Variants in SEPTIN2 observed in about 807,000 individuals in gnomAD.
SEPTIN2 encodes septin-2.
SEPTIN2 carries 34 observed loss-of-function variants against 46.5 expected under a neutral mutation model. The ratio of observed to expected loss-of-function variants is 0.73; its 90% CI spans 0.56 to 0.97. The LOEUF (loss-of-function observed/expected upper bound fraction) is 0.97. Ranked by LOEUF, SEPTIN2 falls within the 50% of genes least tolerant of loss-of-function variation. SEPTIN2 has a pLI of 0.00. For synonymous variants in SEPTIN2, 175 were observed against 153.4 expected, an observed-to-expected ratio of 1.14 and a Z score of -1.04; for missense variants, 347 against 448.4, an observed-to-expected ratio of 0.77 and a Z score of 2.04.
Position 241,337,418 on chromosome 2 carries a change from T to C in SEPTIN2, c.378T>C (p.Phe126=), listed in dbSNP as rs753735268. The change falls in exon 6 of 13, where the codon TTT becomes TTC. Residue 126 remains phenylalanine (F), a synonymous_variant. Coordinates refer to ENST00000391971, the MANE Select transcript of SEPTIN2 (RefSeq NM_004404.5). ...TTATCTCCTATATTGATGAGCAATT[T>C]GAGAGGTACCTGCATGACGAGAGCG... ...KTIISYIDEQ[F]ERYLHDESGL... is the part of the protein sequence containing the mutation. 6.2e-7 allele frequency: 1 copy of C among 1,614,050 alleles called. No homozygotes were observed. Among genetic ancestry groups the C allele is most frequent in the Non-Finnish European group, 8.5e-7 (1 of 1,179,940 alleles).
intron 12 of SEPTIN2, 168 bp from the exon 13 acceptor site, chr2:241,351,799 A>G (rs1335141455): frequency 1.3e-5 from 2 of 152,190 alleles, no homozygotes; most frequent in African/African-American, 4.8e-5. Context: ...TCCAGTTTCC[A>G]GGAGCCTCAT....
At chr2:241,343,682 G>A in intron 8 of SEPTIN2, 70 bp from the exon 9 acceptor site, 4 of 1,569,576 alleles carry the variant, frequency 2.5e-6, no homozygotes, top group South Asian at 2.3e-5. Context: ...CTGTGCTAAT[G>A]TTCTCGTGTT....
intron 3 of SEPTIN2, among the ~76,000 whole-genome samples, chr2:241,334,060 T>TG (rs2079490973): frequency 1.3e-5 from 2 of 152,216 alleles, no homozygotes; most frequent in South Asian, 2.1e-4. Context: ...TTTTGGGAGA[T>TG]GGGGGTCTCA....
chr2:241,328,272 T>C (rs1283640273), intron 3 of SEPTIN2, among the ~76,000 whole-genome samples: 1 of 151,694 alleles, frequency 6.6e-6, no homozygotes, highest in Admixed American at 6.6e-5. Flanking sequence ...CCATCTCTAC[T>C]AAAAATACAA....
At chr2:241,324,102 G>A in intron 1 of SEPTIN2, 114 bp from the exon 2 acceptor site, 1 of 905,146 alleles carries the variant, frequency 1.1e-6, no homozygotes, top group South Asian at 1.5e-5. Context: ...TTTTTACATT[G>A]CCTATGTATG....
chr2:241,347,342 A>C (rs1399345897), intron 10 of SEPTIN2, among the ~76,000 whole-genome samples: 1 of 152,216 alleles, frequency 6.6e-6, no homozygotes, highest in Non-Finnish European at 1.5e-5. Context: ...ATTGAAGTCT[A>C]ATTATGAGTT....
At chr2:241,339,835 C>G (rs1485952003) in intron 7 of SEPTIN2, among the ~76,000 whole-genome samples, 1 of 152,124 alleles carries the variant, frequency 6.6e-6, no homozygotes, top group Non-Finnish European at 1.5e-5. Flanking sequence ...GGTAGCACTC[C>G]CCCCACACTG....
chr2:241,335,839 T>C, intron 4 of SEPTIN2, 136 bp from the exon 5 acceptor site: 2 of 1,100,310 alleles, frequency 1.8e-6, no homozygotes, highest in South Asian at 1.4e-5. Context: ...GATCTTTTTT[T>C]CTTAATCCCC....
chr2:241,343,716 G>A (rs752167507), intron 8 of SEPTIN2, 36 bp from the exon 9 acceptor site: 1 of 1,612,702 alleles, frequency 6.2e-7, no homozygotes, highest in Non-Finnish European at 8.5e-7. Flanking sequence ...GGGGTTCCCT[G>A]TGTGGAGCCT....
intron 1 of SEPTIN2, among the ~76,000 whole-genome samples, chr2:241,322,132 G>T (rs1201605556): frequency 6.6e-6 from 1 of 152,170 alleles, no homozygotes; most frequent in African/African-American, 2.4e-5. Flanking sequence ...TATTCAGGAA[G>T]TTAAGATTTG....
chr2:241,339,068 A>G (rs1452863195), intron 7 of SEPTIN2, among the ~76,000 whole-genome samples: 68 of 133,462 alleles, frequency 5.1e-4, no homozygotes, highest in Non-Finnish European at 1.0e-3. Context: ...TTATATATAT[A>G]TAAATATAAT....
intron 2 of SEPTIN2, chr2:241,325,205 T>C (rs1484888584): frequency 6.6e-6 from 1 of 152,242 alleles, no homozygotes; most frequent in African/African-American, 2.4e-5. Flanking sequence ...TACTATTTTG[T>C]ATCTTGCCTT....
chr2:241,332,348 A>G (rs539841061), intron 3 of SEPTIN2, among the ~76,000 whole-genome samples: 2 of 152,222 alleles, frequency 1.3e-5, no homozygotes, highest in African/African-American at 4.8e-5. Context: ...CCCACTTACA[A>G]AGAGGGGGCA....
intron 1 of SEPTIN2, among the ~76,000 whole-genome samples, chr2:241,321,856 C>T (rs2077181407): frequency 6.6e-6 from 1 of 151,904 alleles, no homozygotes; most frequent in Non-Finnish European, 1.5e-5. Context: ...ATACTTATCT[C>T]TGTATTATTT....
Position 241,349,548 on chromosome 2 carries a change from C to A in SEPTIN2, c.985-525C>A, listed in dbSNP as rs2060594960. Among the ~76,000 whole-genome samples, 3 of 152,032 alleles carry A rather than the reference C, an allele frequency of 2.0e-5. No homozygotes were observed. In the South Asian group the frequency reaches 6.2e-4, roughly 32 times the overall value. ...TAGAAAACTTCTCATATTGGCCGGG[C>A]GCGGTGGCTCACGCTTGTAATCCCA... is the stretch of plus-strand genomic sequence containing the variant. On this transcript the variant is annotated intron_variant, in intron 11 of 12. Coordinates refer to ENST00000391971, the MANE Select transcript of SEPTIN2 (RefSeq NM_004404.5).
At chr2:241,338,968 A>T (rs1211335104) in intron 7 of SEPTIN2, among the ~76,000 whole-genome samples, 7 of 84,780 alleles carry the variant, frequency 8.3e-5, no homozygotes, top group East Asian at 6.0e-4. Context: ...ATATATTATA[A>T]ATATAATATA....
intron 3 of SEPTIN2, among the ~76,000 whole-genome samples, chr2:241,330,241 G>A (rs2078775438): frequency 6.6e-6 from 1 of 152,176 alleles, no homozygotes; most frequent in African/African-American, 2.4e-5. Context: ...ACAGCATGAT[G>A]AATAAACACC....
chr2:241,338,925 A>T (rs1298090865), intron 7 of SEPTIN2, among the ~76,000 whole-genome samples: 2 of 99,904 alleles, frequency 2.0e-5, no homozygotes, highest in Non-Finnish European at 3.6e-5. Context: ...ATATAATTGT[A>T]CATATATTTA....
intron 7 of SEPTIN2, among the ~76,000 whole-genome samples, chr2:241,340,856 C>G (rs1191748401): frequency 6.6e-6 from 1 of 152,186 alleles, no homozygotes; most frequent in Non-Finnish European, 1.5e-5. Context: ...TCCTGCCAGC[C>G]TCTACTAGCT....
Sources: allele counts gnomAD v4.1 joint callset (sites outside exome capture counted in the v4.1 genomes callset), GRCh38; gene constraint gnomAD v4.1.1; transcripts MANE v1.5; gene names NCBI Gene and HGNC (gene_info 2026-07-23, HGNC 2026-07-21).